The following CADPS2 variants were observed in gnomAD, a reference collection of about 807,000 sequenced individuals.
CADPS2 encodes the protein calcium dependent secretion activator 2.
A neutral mutation model predicts 172.5 loss-of-function variants in CADPS2; 93 were observed. The ratio of observed to expected loss-of-function variants is 0.54; its 90% CI spans 0.46 to 0.64. CADPS2 has a LOEUF of 0.64. Ranked by LOEUF, CADPS2 falls within the 30% of genes least tolerant of loss-of-function variation. The pLI is 0.00. For missense variants in CADPS2, 1,420 were observed against 1,565.9 expected (o/e 0.91, Z 1.57); for synonymous variants, 546 against 555.2 (o/e 0.98, Z 0.23).
At chr7:122,585,071 G>C (rs545978488) in intron 6 of CADPS2, among the ~76,000 whole-genome samples, 20 of 151,990 alleles carry the variant, frequency 1.3e-4, no homozygotes, top group Admixed American at 1.2e-3. Flanking sequence ...AATGAAGAAG[G>C]CTTAAATAAC....
intron 8 of CADPS2, among the ~76,000 whole-genome samples, chr7:122,514,926 A>G (rs986135545): frequency 1.3e-5 from 2 of 152,220 alleles, no homozygotes; most frequent in Non-Finnish European, 2.9e-5. Flanking sequence ...AGAATATGTA[A>G]AAATAATTCC....
intron 1 of CADPS2, among the ~76,000 whole-genome samples, chr7:122,811,564 A>G (rs1027922413): frequency 5.3e-5 from 8 of 152,206 alleles, no homozygotes; most frequent in Non-Finnish European, 8.8e-5. Flanking sequence ...AACTAAGATT[A>G]AGATAATATA....
intron 11 of CADPS2, among the ~76,000 whole-genome samples, chr7:122,489,348 T>G (rs2058095188): frequency 6.6e-6 from 1 of 152,068 alleles, no homozygotes; most frequent in South Asian, 2.1e-4. Flanking sequence ...ATCTCAAGAA[T>G]AAAAAGCCAC....
intron 2 of CADPS2, among the ~76,000 whole-genome samples, chr7:122,680,843 G>A (rs893342534): frequency 9.2e-5 from 14 of 152,040 alleles, no homozygotes; most frequent in East Asian, 1.9e-4. Context: ...TGTTTATTGC[G>A]GCATTATTCA....
chr7:122,604,935 G>A (rs959875200), intron 6 of CADPS2, among the ~76,000 whole-genome samples: 1 of 152,032 alleles, frequency 6.6e-6, no homozygotes, highest in Non-Finnish European at 1.5e-5. Context: ...AAATCACAGA[G>A]TGTACTTATA....
intron 14 of CADPS2, among the ~76,000 whole-genome samples, chr7:122,452,072 G>A (rs1365530119): frequency 6.7e-6 from 1 of 148,310 alleles, no homozygotes; most frequent in Non-Finnish European, 1.5e-5. Context: ...AAATATTCCT[G>A]TGAAATCAAT....
chr7:122,407,515 T>A, intron 20 of CADPS2, 25 bp downstream of exon 20: 1 of 1,595,022 alleles, frequency 6.3e-7, no homozygotes, highest in Non-Finnish European at 8.6e-7. Flanking sequence ...CCATTTCACA[T>A]ATGAAAGAAA....
chr7:122,420,575 C>T (rs1393821540), intron 17 of CADPS2, among the ~76,000 whole-genome samples: 1 of 152,166 alleles, frequency 6.6e-6, no homozygotes, highest in Admixed American at 6.5e-5. Flanking sequence ...TATCAATAGC[C>T]CCATTAAAAA....
intron 8 of CADPS2, among the ~76,000 whole-genome samples, chr7:122,533,473 A>AAAT (rs1399579285): frequency 6.6e-6 from 1 of 152,148 alleles, no homozygotes; most frequent in Non-Finnish European, 1.5e-5. Context: ...GTAACCACTC[A>AAAT]AATCAACAAA....
At chr7:122,399,057 T>C (rs1454504297) in intron 20 of CADPS2, among the ~76,000 whole-genome samples, 1 of 152,174 alleles carries the variant, frequency 6.6e-6, no homozygotes, top group Non-Finnish European at 1.5e-5. Context: ...CACCCAGTTC[T>C]TCCTTTTCCC....
chr7:122,554,920 G>A (rs1039672650), intron 7 of CADPS2, among the ~76,000 whole-genome samples: 9 of 151,898 alleles, frequency 5.9e-5, no homozygotes, highest in Admixed American at 4.6e-4. Flanking sequence ...TTTTCTTCCT[G>A]TGTCACTTCA....
intron 24 of CADPS2, among the ~76,000 whole-genome samples, chr7:122,381,651 A>T (rs2043011078): frequency 6.6e-6 from 1 of 152,116 alleles, no homozygotes; most frequent in Non-Finnish European, 1.5e-5. Flanking sequence ...AAGTCAGTGG[A>T]CACTAGGAAC....
At chr7:122,612,514 A>T (rs1379067185) in intron 6 of CADPS2, among the ~76,000 whole-genome samples, 2 of 152,094 alleles carry the variant, frequency 1.3e-5, no homozygotes, top group African/African-American at 2.4e-5. Context: ...TGAAAACTAC[A>T]AGACATTGTT....
intron 3 of CADPS2, among the ~76,000 whole-genome samples, chr7:122,653,933 G>A (rs1267760489): frequency 2.0e-5 from 3 of 152,120 alleles, no homozygotes; most frequent in African/African-American, 7.2e-5. Context: ...CACTAACATT[G>A]AAAATAGGCC....
rs201924211 is a variant in CADPS2, at chr7:122,463,320, T to A, written c.2186+8055A>T. 3.0e-4 allele frequency among the ~76,000 whole-genome samples: 38 copies of A among 128,594 alleles called. 1 individual carries two copies. The East Asian group carries it at 6.1e-3, about 20-fold the overall frequency. 84.4% of individuals were successfully genotyped at this position (128,594 alleles called of 152,430 possible). A position where few individuals can be genotyped will look rare whatever the true frequency, so the allele number is the denominator to read the frequency against. On this transcript the variant is annotated intron_variant, in intron 14 of 29. Transcript: ENST00000449022. Reference sequence around the variant, plus strand: ...AAAATAACCAAAAATCTTCATATTCTTAGATTTTTTTTTTTTTGAGGTGGA... The same window carrying A: ...AAAATAACCAAAAATCTTCATATTCATAGATTTTTTTTTTTTTGAGGTGGA...
intron 1 of CADPS2, among the ~76,000 whole-genome samples, chr7:122,826,829 T>C (rs1048369371): frequency 6.6e-6 from 1 of 151,708 alleles, no homozygotes; most frequent in African/African-American, 2.4e-5. Flanking sequence ...ATTAAATGCA[T>C]AGATTAGAAA....
At chr7:122,442,654 A>T (rs912040089) in intron 15 of CADPS2, among the ~76,000 whole-genome samples, 2 of 152,208 alleles carry the variant, frequency 1.3e-5, no homozygotes, top group African/African-American at 4.8e-5. Context: ...TTTTTAATAG[A>T]AGAGATTGAT....
intron 14 of CADPS2, among the ~76,000 whole-genome samples, chr7:122,459,492 T>C (rs56250059): frequency 0.04 from 6,133 of 152,258 alleles, 196 homozygotes; most frequent in African/African-American, 0.091. Context: ...CTGCAGTGCA[T>C]GAAATTATTA....
chr7:122,734,360 AAAAAAAAAAAAAAAAAAAAAAAAAAAG>A lies in CADPS2; in HGVS notation c.453+2568_453+2594del, dbSNP rs1256852065. Among the ~76,000 whole-genome samples the A allele has an allele frequency of 1.4e-4, 12 of 83,224 alleles. No individual in the cohort carries two copies. The East Asian group carries it at 1.9e-3, about 13-fold the overall frequency. The allele number at this position is 83,224 out of a possible 152,430, so 54.6% of individuals were successfully genotyped here. A position where few individuals can be genotyped will look rare whatever the true frequency, so the allele number is the denominator to read the frequency against. Reference sequence around the variant, plus strand: ...ACGATAGCATGCCAGAAATAGTAAAAAAAAAAAAAAAAAAAAAAAAAAAAAAGAAAAAAAAAAAAGAAAATCTGGATT... The same window carrying A: ...ACGATAGCATGCCAGAAATAGTAAAAAAAAAAAAAAAAGAAAATCTGGATT... On this transcript the variant is annotated intron_variant, in intron 2 of 29. Coordinates refer to ENST00000449022, the MANE Select transcript of CADPS2 (RefSeq NM_017954.11).
Sources: allele counts gnomAD v4.1 joint callset (sites outside exome capture counted in the v4.1 genomes callset), GRCh38; gene constraint gnomAD v4.1.1; transcripts MANE v1.5; gene names NCBI Gene and HGNC (gene_info 2026-07-23, HGNC 2026-07-21).